CDYL: variants seen among roughly 807,000 people sequenced by gnomAD.
CDYL encodes the protein chromodomain Y like.
In CDYL, 8 loss-of-function variants were observed where a neutral mutation model predicts 47.3. The observed-to-expected ratio is 0.17, with a 90% CI of 0.10 to 0.31. CDYL has a LOEUF of 0.31. Among genes scored for constraint, CDYL ranks in the 10% least tolerant of loss-of-function variants. The pLI, the probability that CDYL is intolerant of heterozygous loss-of-function variation, is 1.00. For missense variants in CDYL, 471 were observed against 701.4 expected (o/e 0.67, Z 3.71); for synonymous variants, 266 against 265.0 (o/e 1.00, Z -0.04).
At chr6:4,724,411 C>G (rs1209684578) in intron 2 of CDYL, 1 of 152,198 alleles carries the variant, frequency 6.6e-6, no homozygotes, top group Non-Finnish European at 1.5e-5. Flanking sequence ...CAGGGCTTAC[C>G]TTGATGGGTT....
At chr6:4,925,652 G>A (rs535391521) in intron 2 of CDYL, among the ~76,000 whole-genome samples, 42 of 152,112 alleles carry the variant, frequency 2.8e-4, no homozygotes, top group Middle Eastern at 6.8e-3. Flanking sequence ...TCCTGCCCTC[G>A]TGATCCGCCC....
chr6:4,778,729 G>C (rs1336748077), intron 1 of CDYL, among the ~76,000 whole-genome samples: 1 of 152,226 alleles, frequency 6.6e-6, no homozygotes, highest in Admixed American at 6.5e-5. Flanking sequence ...TTAAGTATGT[G>C]TAGTAAATAT....
intron 1 of CDYL, among the ~76,000 whole-genome samples, chr6:4,790,838 C>T (rs778729976): frequency 3.3e-5 from 5 of 152,112 alleles, no homozygotes; most frequent in African/African-American, 4.8e-5. Context: ...CTGTCATCAA[C>T]GATTTCAAGT....
At chr6:4,924,101 A>ATT (rs1163280260) in intron 2 of CDYL, among the ~76,000 whole-genome samples, 2 of 152,110 alleles carry the variant, frequency 1.3e-5, no homozygotes, top group East Asian at 3.8e-4. Context: ...GGCTAGTCTT[A>ATT]TTTAGTCTTA....
Position 4,819,158 on chromosome 6 carries a change from CTCTCTG to C in CDYL, c.24+42353_24+42358del, listed in dbSNP as rs1469047788. ...TCTCTCTCTCTCTCTCTCTCTCTCTCTCTCTGTGTGTGTGTGTGTGTGTGTAGCTCT... is the reference window on the plus strand; with the variant it reads ...TCTCTCTCTCTCTCTCTCTCTCTCTCTGTGTGTGTGTGTGTGTGTAGCTCT... On this transcript the variant is annotated intron_variant, in intron 1 of 6. Transcript: ENST00000397588. Among the ~76,000 whole-genome samples the C allele has an allele frequency of 3.1e-3, 406 of 128,960 alleles. 2 individuals carry two copies. Among genetic ancestry groups the C allele is most frequent in the African/African-American group, 0.013 (316 of 23,854 alleles). The allele number at this position is 128,960 out of a possible 152,430, so 84.6% of individuals were successfully genotyped here.
At chr6:4,919,541 T>A (rs562533555) in intron 2 of CDYL, among the ~76,000 whole-genome samples, 1 of 152,212 alleles carries the variant, frequency 6.6e-6, no homozygotes, top group Non-Finnish European at 1.5e-5. Flanking sequence ...GCATTTCCGT[T>A]GAGTGTTACA....
chr6:4,940,156 C>A (rs981021989), intron 4 of CDYL, among the ~76,000 whole-genome samples: 1 of 152,194 alleles, frequency 6.6e-6, no homozygotes, highest in Non-Finnish European at 1.5e-5. Context: ...CTTTCATCAG[C>A]TCCCTGCTCC....
intron 2 of CDYL, among the ~76,000 whole-genome samples, chr6:4,900,196 C>G (rs933629304): frequency 6.6e-6 from 1 of 152,186 alleles, no homozygotes; most frequent in African/African-American, 2.4e-5. Context: ...TATATGAGAT[C>G]ATACTACGTA....
chr6:4,813,730 T>A (rs969330138), intron 1 of CDYL, among the ~76,000 whole-genome samples: 4 of 152,206 alleles, frequency 2.6e-5, no homozygotes, highest in Non-Finnish European at 5.9e-5. Context: ...CAAGTTTCTA[T>A]CTCAGACTTG....
rs1758790091 is a variant in CDYL, at chr6:4,953,939, G to A, written c.1518G>A (p.Lys506=). Residue 506 remains lysine, a synonymous_variant, in exon 7 of 7, where the codon AAG becomes AAA. Coordinates refer to ENST00000397588, the MANE Select transcript of CDYL (RefSeq NM_004824.4). Reference sequence around the variant, plus strand: ...AAGCCCTCGTGCGCTGCAACATGAAGATGGAGCTGGAGCAGGCCAACGAGA... The same window carrying A: ...AAGCCCTCGTGCGCTGCAACATGAAAATGGAGCTGGAGCAGGCCAACGAGA... The part of the protein sequence containing the change: ...ESKALVRCNM[K]MELEQANERE... 1 of 1,614,106 alleles carries A rather than the reference G, an allele frequency of 6.2e-7. No homozygotes were observed. Among genetic ancestry groups the A allele is most frequent in the Non-Finnish European group, 8.5e-7 (1 of 1,180,014 alleles).
intron 1 of CDYL, among the ~76,000 whole-genome samples, chr6:4,797,253 C>T (rs750211466): frequency 1.3e-5 from 2 of 151,930 alleles, no homozygotes; most frequent in African/African-American, 2.4e-5. Context: ...GTAATCTTAC[C>T]CTCCACTAGA....
chr6:4,951,838 G>T (rs1347164682), intron 5 of CDYL, among the ~76,000 whole-genome samples: 1 of 152,158 alleles, frequency 6.6e-6, no homozygotes, highest in Non-Finnish European at 1.5e-5. Flanking sequence ...TGCATATGCT[G>T]ATTTTCCCAG....
intron 1 of CDYL, among the ~76,000 whole-genome samples, chr6:4,859,500 C>T (rs1420128307): frequency 6.6e-6 from 1 of 152,136 alleles, no homozygotes; most frequent in Non-Finnish European, 1.5e-5. Context: ...AGCGCTACCA[C>T]ACTCACTCCC....
At chr6:4,857,853 A>G (rs1761054092) in intron 1 of CDYL, among the ~76,000 whole-genome samples, 1 of 152,198 alleles carries the variant, frequency 6.6e-6, no homozygotes, top group Non-Finnish European at 1.5e-5. Context: ...CCCTTGCTGA[A>G]GAAATTAAGT....
Position 4,955,308 on chromosome 6 carries a change from G to A in CDYL, c.*1252G>A, listed in dbSNP as rs1336704887. The A allele has an allele frequency of 6.6e-6, 1 of 152,556 alleles. No homozygotes were observed. Among genetic ancestry groups the A allele is most frequent in the Non-Finnish European group, 1.5e-5 (1 of 68,016 alleles). The allele number at this position is 152,556 out of a possible 1,614,324, so 9.5% of individuals were successfully genotyped here. On this transcript the variant is annotated 3_prime_UTR_variant, in exon 7 of 7. Transcript: ENST00000397588. ...AGAGCGAAATCAAATTCTTATTTTT[G>A]TACAGTTTTGAAGTTTATACTTAGA...
intron 3 of CDYL, among the ~76,000 whole-genome samples, chr6:4,767,904 A>G (rs950340330): frequency 6.6e-6 from 1 of 152,124 alleles, no homozygotes. Flanking sequence ...TTAATGCAAT[A>G]TTGCAATAAT....
intron 3 of CDYL, among the ~76,000 whole-genome samples, chr6:4,769,606 T>C (rs549140918): frequency 1.5e-4 from 23 of 152,330 alleles, no homozygotes; most frequent in African/African-American, 5.1e-4. Flanking sequence ...TTTTAAAATA[T>C]CAAATTATTT....
rs1410396325 is a variant in CDYL, at chr6:4,767,308, C to T, written c.186+32464C>T. 1.3e-5 allele frequency among the ~76,000 whole-genome samples: 2 copies of T among 151,662 alleles called. 1 individual carries two copies. The highest frequency in any genetic ancestry group is 4.8e-5 in the African/African-American group (2 of 41,330). ...CTAGGATGGAGACTGGGCGCAGTGG[C>T]TCACACCTGTAACCCTAGCACTTCG... On this transcript the variant is annotated intron_variant, in intron 3 of 8. Transcript: ENST00000328908.
intron 1 of CDYL, among the ~76,000 whole-genome samples, chr6:4,883,868 C>CT (rs1761828120): frequency 6.6e-6 from 1 of 152,124 alleles, no homozygotes; most frequent in Non-Finnish European, 1.5e-5. Flanking sequence ...CATCAGAGAA[C>CT]TTTGAGTATG....
Sources: allele counts gnomAD v4.1 joint callset (sites outside exome capture counted in the v4.1 genomes callset), GRCh38; gene constraint gnomAD v4.1.1; transcripts MANE v1.5; gene names NCBI Gene and HGNC (gene_info 2026-07-23, HGNC 2026-07-21).